Variants in KDF1 observed in about 807,000 individuals in gnomAD.
The protein encoded by KDF1 is keratinocyte differentiation factor 1, also known as RP11-344H11.3.
A neutral mutation model predicts 31.6 loss-of-function variants in KDF1; 11 were observed. The ratio of observed to expected loss-of-function variants is 0.35; its 90% CI spans 0.22 to 0.58. The LOEUF (loss-of-function observed/expected upper bound fraction) is 0.58, where lower values mean the gene tolerates loss of function less well. Ranked by LOEUF, KDF1 falls within the 20% of genes least tolerant of loss-of-function variation. The pLI is 0.83. For synonymous variants in KDF1, 205 were observed against 214.4 expected (o/e 0.96, Z 0.38); for missense variants, 476 against 549.1 (o/e 0.87, Z 1.33).
At chr1:26,953,954 C>CAA (rs77055790) in intron 1 of KDF1, among the ~76,000 whole-genome samples, 5 of 81,600 alleles carry the variant, frequency 6.1e-5, no homozygotes, top group African/African-American at 1.8e-4. Context: ...GACCCTGTCT[C>CAA]AAAAAAAAAA....
chr1:26,950,771 T>A lies in KDF1; in HGVS notation c.1040-15A>T. On this transcript the variant is annotated splice_polypyrimidine_tract_variant and intron_variant, in intron 2 of 3. Coordinates refer to ENST00000320567, the MANE Select transcript of KDF1 (RefSeq NM_152365.3). This position sits in a 1 kb window ranked among gnomAD's most constrained non-coding sequence, Gnocchi z 4.0. Reference sequence around the variant, plus strand: ...CACTGTCAGCTCTAGGGAGGGAACGTGAGGCAAGCAGTGGTCATTAGCACG... The same window carrying A: ...CACTGTCAGCTCTAGGGAGGGAACGAGAGGCAAGCAGTGGTCATTAGCACG... 1 of 1,612,698 alleles carries A rather than the reference T, an allele frequency of 6.2e-7. No homozygotes were observed. The highest frequency in any genetic ancestry group is 1.3e-5 in the African/African-American group (1 of 74,988).
chr1:26,952,513 G>T lies in KDF1; in HGVS notation c.-32-101C>A. 1.1e-6 allele frequency: 1 copy of T among 889,268 alleles called. No homozygotes were observed. Among genetic ancestry groups the T allele is most frequent in the African/African-American group, 1.7e-5 (1 of 59,752 alleles). 55.1% of individuals were successfully genotyped at this position (889,268 alleles called of 1,614,324 possible). A position where few individuals can be genotyped will look rare whatever the true frequency, so the allele number is the denominator to read the frequency against. On this transcript the variant is annotated intron_variant, in intron 1 of 3. Coordinates refer to ENST00000320567, the MANE Select transcript of KDF1 (RefSeq NM_152365.3). The surrounding 1 kb of genome is among the most constrained non-coding windows in gnomAD (Gnocchi z 4.1). ...ACATTTCTAGTTTCTGAGAGGCCTG[G>T]GATGTGGATGGACCCAAGTATGCCC... is the stretch of plus-strand genomic sequence containing the variant.
rs1468342547 is a variant in KDF1, at chr1:26,960,437, G to T, written c.-120C>A. On this transcript the variant is annotated 5_prime_UTR_variant, in exon 1 of 4. Transcript: ENST00000320567. The surrounding 1 kb of genome is among the most constrained non-coding windows in gnomAD (Gnocchi z 4.9). ...GGGCGCAGGTGAGCGTCTCGCGGGA[G>T]CGCTGCACGGGCCGCCGCTAGGGAC... is the stretch of plus-strand genomic sequence containing the variant. 6.6e-6 allele frequency: 1 copy of T among 152,310 alleles called. No individual in the cohort carries two copies. Among genetic ancestry groups the T allele is most frequent in the East Asian group, 1.9e-4 (1 of 5,192 alleles). The allele number at this position is 152,310 out of a possible 1,614,324, so 9.4% of individuals were successfully genotyped here.
chr1:26,952,058 C>G lies in KDF1; in HGVS notation c.323G>C (p.Gly108Ala). The G allele has an allele frequency of 6.2e-7, 1 of 1,613,400 alleles. No individual in the cohort carries two copies. Among genetic ancestry groups the G allele is most frequent in the Non-Finnish European group, 8.5e-7 (1 of 1,179,892 alleles). ...CTCAGTAGACAGGCAGGGGCTGCATCCCCGCACACAGGCTCCACAGCGCTG... is the reference window on the plus strand; with the variant it reads ...CTCAGTAGACAGGCAGGGGCTGCATGCCCGCACACAGGCTCCACAGCGCTG... ...CLQRCGACVR[G>A]CSPCLSTEDS... Residue 108 changes from glycine to alanine, a missense_variant, in exon 2 of 4, where the codon GGA (glycine) becomes GCA (alanine). Gly to Ala is a moderately conservative substitution (Grantham distance 60). This residue lies in a region of KDF1 where 330 missense variants were observed against 332.3 expected (regional missense o/e 0.99). Transcript: ENST00000320567. The surrounding 1 kb of genome is among the most constrained non-coding windows in gnomAD (Gnocchi z 4.1).
chr1:26,953,954 CAAAA>C (rs77055790), intron 1 of KDF1, among the ~76,000 whole-genome samples: 9 of 81,568 alleles, frequency 1.1e-4, no homozygotes, highest in African/African-American at 1.8e-4. Context: ...GACCCTGTCT[CAAAA>C]AAAAAAAAAA....
intron 1 of KDF1, among the ~76,000 whole-genome samples, chr1:26,959,883 A>T (rs1258307453): frequency 1.3e-5 from 2 of 152,108 alleles, no homozygotes; most frequent in African/African-American, 4.8e-5. Context: ...CGAGAGTCCC[A>T]TATCCGCGGG....
At position 26,951,676 on chromosome 1, in the gene KDF1, C is replaced by T. The variant is rs767639195; in HGVS notation, c.705G>A (p.Ser235=). 1.4e-5 allele frequency: 22 copies of T among 1,613,710 alleles called. No homozygotes were observed. The highest frequency in any genetic ancestry group is 1.6e-4 in the Middle Eastern group (1 of 6,084). The change falls in exon 2 of 4, where the codon TCG becomes TCA. Residue 235 remains serine (S), a synonymous_variant. Coordinates refer to ENST00000320567, the MANE Select transcript of KDF1 (RefSeq NM_152365.3). This position sits in a 1 kb window ranked among gnomAD's most constrained non-coding sequence, Gnocchi z 5.4. ...DLPEMGSGSM[S]SREIDVLIFK... ...AGATGAGCACATCAATTTCTCGGCT[C>T]GACATGGAGCCACTGCCCATCTCCG... is the stretch of plus-strand genomic sequence containing the variant.
chr1:26,954,890 G>GCTA (rs2082370089), intron 1 of KDF1, among the ~76,000 whole-genome samples: 1 of 140,988 alleles, frequency 7.1e-6, no homozygotes, highest in African/African-American at 2.6e-5. Flanking sequence ...ATGGAGTCTC[G>GCTA]CTCTGTCACC....
rs776692680 is a variant in KDF1 at position 26,952,140 on chromosome 1, A to G, written c.241T>C (p.Trp81Arg). The G allele has an allele frequency of 6.2e-7, 1 of 1,613,578 alleles. No homozygotes were observed. Among genetic ancestry groups the G allele is most frequent in the South Asian group, 1.1e-5 (1 of 91,062 alleles). Residue 81 changes from tryptophan (W) to arginine (R), a missense_variant, in exon 2 of 4, where the codon TGG becomes CGG. Around this residue, in one of 2 missense-constraint regions of KDF1, gnomAD observed 330 missense variants for 332.3 expected, o/e 0.99. Transcript: ENST00000320567. The surrounding 1 kb of genome is among the most constrained non-coding windows in gnomAD (Gnocchi z 4.1). ...SPTCCLLWRPWVWEWCRAAFC... is the reference protein window; with the variant it reads ...SPTCCLLWRPRVWEWCRAAFC... ...GCAGCCCGGCACCACTCCCACACCC[A>G]GGGTCGCCAGAGCAGGCAGCAGGTG...
rs34291506 is a variant in KDF1, at chr1:26,951,815, T to C, written c.566A>G (p.Lys189Arg). 2,569 of 1,614,038 alleles carry C rather than the reference T, an allele frequency of 1.6e-3. 29 individuals are homozygous for C. In the African/African-American group the frequency reaches 0.029, roughly 18 times the overall value. Residue 189 changes from lysine (K) to arginine (R), a missense_variant, in exon 2 of 4, where the codon AAG (lysine) becomes AGG (arginine). By Grantham distance (26) the Lys-to-Arg change is conservative. Around this residue, in one of 2 missense-constraint regions of KDF1, gnomAD observed 330 missense variants for 332.3 expected, o/e 0.99. Transcript: ENST00000320567. The surrounding 1 kb of genome is among the most constrained non-coding windows in gnomAD (Gnocchi z 5.4). ...SPAPDADSCC[K>R]EPLADPPPMR... ...GGGTGGGGGATCGGCCAGTGGCTCC[T>C]TGCAGCAGGAGTCCGCATCAGGGGC...
Position 26,949,704 on chromosome 1 carries a change from G to A in KDF1, c.*365C>T. On this transcript the variant is annotated 3_prime_UTR_variant, in exon 4 of 4. Transcript: ENST00000320567. ...TTAAGATAAGCTTCTTTTAACTGTT[G>A]AATTACCCCAGGGAGGGAGAAGTTT... 4.2e-6 allele frequency: 1 copy of A among 240,220 alleles called. No individual in the cohort carries two copies. The highest frequency in any genetic ancestry group is 8.3e-6 in the Non-Finnish European group (1 of 121,208). 14.9% of individuals were successfully genotyped at this position (240,220 alleles called of 1,614,324 possible).
At position 26,951,484 on chromosome 1, in the gene KDF1, G is replaced by T. The variant is rs142079202; in HGVS notation, c.897C>A (p.Arg299=). ...TTCGGGTACTAATGCGAATGATGCC[G>T]CGTACCAGGCGGCCCTCAGCATCCT... ...DEQDAEGRLV[R]GIIRISTRKS... The change falls in exon 2 of 4, where the codon CGC becomes CGA. Residue 299 remains arginine, a synonymous_variant. Transcript: ENST00000320567. The surrounding 1 kb of genome is among the most constrained non-coding windows in gnomAD (Gnocchi z 5.4). 6.2e-7 allele frequency: 1 copy of T among 1,613,582 alleles called. No homozygotes were observed. The highest frequency in any genetic ancestry group is 1.3e-5 in the African/African-American group (1 of 74,928).
Position 26,951,516 on chromosome 1 carries a change from C to T in KDF1, c.865G>A (p.Asp289Asn). Residue 289 changes from aspartate to asparagine, a missense_variant, in exon 2 of 4, where the codon GAT (aspartate) becomes AAT (asparagine). By Grantham distance (23) the Asp-to-Asn change is conservative. Transcript: ENST00000320567. This position sits in a 1 kb window ranked among gnomAD's most constrained non-coding sequence, Gnocchi z 5.4. ...ISSITQDYHL[D>N]EQDAEGRLVR... ...AGGCGGCCCTCAGCATCCTGCTCAT[C>T]CAGGTGGTAGTCCTGCGTGATGCTG... The T allele has an allele frequency of 1.2e-6, 2 of 1,613,272 alleles. No homozygotes were observed. The highest frequency in any genetic ancestry group is 1.7e-6 in the Non-Finnish European group (2 of 1,179,332).
Position 26,951,657 on chromosome 1 carries a change from G to A in KDF1, c.724C>T (p.Leu242Phe), listed in dbSNP as rs766818287. The A allele has an allele frequency of 6.2e-7, 1 of 1,613,918 alleles. No individual in the cohort carries two copies. Among genetic ancestry groups the A allele is most frequent in the Non-Finnish European group, 8.5e-7 (1 of 1,180,032 alleles). The change falls in exon 2 of 4, where the codon CTC (leucine) becomes TTC (phenylalanine). Residue 242 changes from leucine to phenylalanine, a missense_variant. Physicochemically the swap from Leu to Phe is conservative, Grantham distance 22. This residue lies in a region of KDF1 where 146 missense variants were observed against 216.8 expected (regional missense o/e 0.67). Coordinates refer to ENST00000320567, the MANE Select transcript of KDF1 (RefSeq NM_152365.3). This position sits in a 1 kb window ranked among gnomAD's most constrained non-coding sequence, Gnocchi z 5.4. The stretch of plus-strand genomic sequence containing the variant: ...AGCTCTGTCAGCTTCTTGAAGATGA[G>A]CACATCAATTTCTCGGCTCGACATG... The part of the protein sequence containing the change: ...GSMSSREIDV[L>F]IFKKLTELFS...
At chr1:26,959,022 C>T (rs2082389395) in intron 1 of KDF1, among the ~76,000 whole-genome samples, 1 of 152,244 alleles carries the variant, frequency 6.6e-6, no homozygotes, top group Non-Finnish European at 1.5e-5. Flanking sequence ...TTATTTGACT[C>T]TCACAATTGC....
At position 26,950,866 on chromosome 1, in the gene KDF1, G is replaced by T; in HGVS notation, c.1040-110C>A. The stretch of plus-strand genomic sequence containing the variant: ...GAGGAGCCACTCACTCCTGGGCAGG[G>T]CTAGAAAAATAATGCTTAAAGACAG... On this transcript the variant is annotated intron_variant, in intron 2 of 3. Transcript: ENST00000320567. This position sits in a 1 kb window ranked among gnomAD's most constrained non-coding sequence, Gnocchi z 4.0. The T allele has an allele frequency of 2.2e-6, 2 of 923,810 alleles. No individual in the cohort carries two copies. Among genetic ancestry groups the T allele is most frequent in the Non-Finnish European group, 1.7e-6 (1 of 579,590 alleles). The allele number at this position is 923,810 out of a possible 1,614,324, so 57.2% of individuals were successfully genotyped here.
chr1:26,951,316 C>G lies in KDF1; in HGVS notation c.1039+26G>C, dbSNP rs747116693. On this transcript the variant is annotated intron_variant, in intron 2 of 3. Coordinates refer to ENST00000320567, the MANE Select transcript of KDF1 (RefSeq NM_152365.3). The surrounding 1 kb of genome is among the most constrained non-coding windows in gnomAD (Gnocchi z 5.4). ...GGCCAGAGCCTCCCCTACTCTGCCC[C>G]TCAGCCCCATGGGGCCCCCACCTAC... The G allele has an allele frequency of 3.3e-6, 5 of 1,517,168 alleles. No individual in the cohort carries two copies. The highest frequency in any genetic ancestry group is 4.8e-5 in the East Asian group (2 of 41,408). 94.0% of individuals were successfully genotyped at this position (1,517,168 alleles called of 1,614,324 possible).
At chr1:26,959,504 T>C (rs987303496) in intron 1 of KDF1, among the ~76,000 whole-genome samples, 3 of 152,090 alleles carry the variant, frequency 2.0e-5, no homozygotes, top group Admixed American at 1.3e-4. Context: ...TCCCGTGAGA[T>C]TTAAATGAAA....
In KDF1 at chr1:26,951,993, C is replaced by T; in HGVS notation, c.388G>A (p.Glu130Lys). The part of the protein sequence containing the change: ...EGTAEANWAK[E>K]HNGVPPSPDR... ...GGGCTGGGGGGCACTCCATTGTGCT[C>T]CTTGGCCCAGTTGGCTTCAGCAGTC... The change falls in exon 2 of 4, where the codon GAG becomes AAG. Residue 130 changes from glutamate to lysine, a missense_variant. Physicochemically the swap from Glu to Lys is moderately conservative, Grantham distance 56. Coordinates refer to ENST00000320567, the MANE Select transcript of KDF1 (RefSeq NM_152365.3). The surrounding 1 kb of genome is among the most constrained non-coding windows in gnomAD (Gnocchi z 5.4). 1 of 1,612,224 alleles carries T rather than the reference C, an allele frequency of 6.2e-7. No homozygotes were observed.
Sources: gnomAD v4.1 joint callset for allele counts (sites outside exome capture counted in the v4.1 genomes callset) on GRCh38, gnomAD v4.1.1 for gene constraint, gnomAD v4.1.1 regional missense constraint, Gnocchi (gnomAD v3.1) non-coding constraint, MANE v1.5 for transcripts, NCBI Gene and HGNC (gene_info 2026-07-23, HGNC 2026-07-21) for gene names.